SELENOS: variants seen among roughly 807,000 people sequenced by gnomAD.
The protein encoded by SELENOS is VCP interacting membrane selenoprotein.
In SELENOS, 37 loss-of-function variants were observed where a neutral mutation model predicts 30.2. The observed-to-expected ratio is 1.23, with a 90% CI of 0.94 to 1.61. SELENOS has a LOEUF of 1.61. Ranked by LOEUF, SELENOS falls within the 40% of genes most tolerant of loss-of-function variation. The probability of loss-of-function intolerance (pLI) is 0.00; values close to 1 mark genes in which losing one functional copy is unlikely to be tolerated. For missense variants in SELENOS, 289 were observed against 231.8 expected, an observed-to-expected ratio of 1.25 and a Z score of -1.60; for synonymous variants, 119 against 91.6, an observed-to-expected ratio of 1.30 and a Z score of -1.71.
In SELENOS at chr15:101,272,858, T is replaced by G. The variant is rs2039284551; in HGVS notation, c.485-2A>C. ...CTTCACCAGACAACGGGTTATAACCTGGGAGGACAGAAAAGCAGCACAACA... is the reference window on the plus strand; with the variant it reads ...CTTCACCAGACAACGGGTTATAACCGGGGAGGACAGAAAAGCAGCACAACA... On this transcript the variant is annotated splice_acceptor_variant, in intron 5 of 5. Transcript: ENST00000526049. LOFTEE classifies it high-confidence loss of function. 8 of 1,603,592 alleles carry G rather than the reference T, an allele frequency of 5.0e-6. No individual in the cohort carries two copies. In the East Asian group the frequency reaches 1.8e-4, roughly 36 times the overall value.
chr15:101,272,043 C>A (rs2039273394), downstream of SELENOS: 1 of 152,126 alleles, frequency 6.6e-6, no homozygotes, highest in African/African-American at 2.4e-5. Context: ...TTTCTTTATC[C>A]CAGTAATTCG....
intron 3 of SELENOS, chr15:101,274,948 A>T: frequency 1.7e-6 from 1 of 577,148 alleles, no homozygotes; most frequent in Non-Finnish European, 3.0e-6. Context: ...CTGTCAGGAC[A>T]TTTTTGGTAA....
At chr15:101,275,782 G>T (rs2039319269) in intron 2 of SELENOS, among the ~76,000 whole-genome samples, 1 of 152,056 alleles carries the variant, frequency 6.6e-6, no homozygotes. Flanking sequence ...TAGCGCAGAA[G>T]ATTCTTAAGT....
chr15:101,276,367 G>T, intron 2 of SELENOS, 174 bp downstream of exon 2: 2 of 771,920 alleles, frequency 2.6e-6, no homozygotes, highest in Non-Finnish European at 3.7e-6. Context: ...TCCCGCCTCA[G>T]CCTCCTGAGC....
chr15:101,275,616 T>C (rs2039317520), intron 2 of SELENOS, among the ~76,000 whole-genome samples: 1 of 152,124 alleles, frequency 6.6e-6, no homozygotes, highest in Non-Finnish European at 1.5e-5. Context: ...ATTTCTGAGT[T>C]CCCCTGAGCA....
intron 2 of SELENOS, 127 bp downstream of exon 2, chr15:101,276,414 A>G (rs1197923493): frequency 1.2e-6 from 1 of 844,964 alleles, no homozygotes; most frequent in Non-Finnish European, 1.6e-6. Context: ...ACTCCCGGCT[A>G]TTTTTTTTTT....
intron 5 of SELENOS, among the ~76,000 whole-genome samples, chr15:101,273,319 T>C (rs538116118): frequency 3.6e-4 from 55 of 152,290 alleles, no homozygotes; most frequent in African/African-American, 1.3e-3. Context: ...CCCCACTCCC[T>C]CATGAGCTTC....
intron 5 of SELENOS, 36 bp downstream of exon 5, chr15:101,274,384 G>A (rs1194709027): frequency 6.3e-7 from 1 of 1,580,218 alleles, no homozygotes; most frequent in Non-Finnish European, 8.6e-7. Context: ...TGTAAGTGTT[G>A]AAAATCTGTT....
intron 1 of SELENOS, 126 bp from the exon 2 acceptor site, chr15:101,276,801 G>T: frequency 1.7e-6 from 2 of 1,167,026 alleles, no homozygotes; most frequent in Non-Finnish European, 2.4e-6. Context: ...TGAGGAAAAA[G>T]CCTCCTAAGT....
chr15:101,275,934 A>G (rs1444512738), intron 2 of SELENOS, among the ~76,000 whole-genome samples: 5 of 149,650 alleles, frequency 3.3e-5, no homozygotes, highest in Non-Finnish European at 7.4e-5. Context: ...AAAAAAAAAA[A>G]GAAAGAAAAG....
downstream of SELENOS, chr15:101,271,064 CTT>C (rs1199929538): frequency 2.6e-5 from 4 of 152,148 alleles, 1 homozygote; most frequent in South Asian, 6.2e-4. Flanking sequence ...ATAACAAACT[CTT>C]GTGTTGAGGG....
chr15:101,277,243 C>G, intron 1 of SELENOS, 99 bp downstream of exon 1: 2 of 1,518,290 alleles, frequency 1.3e-6, no homozygotes, highest in Non-Finnish European at 1.8e-6. Flanking sequence ...CCCAGGCCTC[C>G]CAGGCTCCGG....
intron 1 of SELENOS, chr15:101,277,132 G>C (rs1405853256): frequency 1.2e-6 from 1 of 856,036 alleles, no homozygotes; most frequent in African/African-American, 1.7e-5. Flanking sequence ...CGCAAACAAG[G>C]GACAGCCGAG....
At chr15:101,277,278 C>T (rs1351433666) in intron 1 of SELENOS, 64 bp downstream of exon 1, 2 of 1,521,670 alleles carry the variant, frequency 1.3e-6, no homozygotes, top group African/African-American at 2.8e-5. Flanking sequence ...GCGGACGACC[C>T]ACCCATCATG....
chr15:101,274,235 A>G (rs2039298461), intron 5 of SELENOS, 185 bp downstream of exon 5: 2 of 678,814 alleles, frequency 2.9e-6, no homozygotes, highest in South Asian at 1.8e-5. Flanking sequence ...TATAAGTACA[A>G]TCCTTCTAAG....
Position 101,277,401 on chromosome 15 carries a change from T to G in SELENOS, c.17A>C (p.Glu6Ala), listed in dbSNP as rs759632130. 3 of 1,491,730 alleles carry G rather than the reference T, an allele frequency of 2.0e-6. No homozygotes were observed. The South Asian group carries it at 3.8e-5, about 19-fold the overall frequency. The allele number at this position is 1,491,730 out of a possible 1,614,324, so 92.4% of individuals were successfully genotyped here. A position where few individuals can be genotyped will look rare whatever the true frequency, so the allele number is the denominator to read the frequency against. ...CAGGGCCGGCCGCGCGGACAGAGACTCCTCTTGGCGTTCCATGACCGCCGC... is the reference window on the plus strand; with the variant it reads ...CAGGGCCGGCCGCGCGGACAGAGACGCCTCTTGGCGTTCCATGACCGCCGC... MERQE[E>A]SLSARPALET... Residue 6 changes from glutamate to alanine, a missense_variant, in exon 1 of 6, where the codon GAG (glutamate) becomes GCG (alanine). Transcript: ENST00000526049.
chr15:101,273,232 A>T (rs766853890), intron 5 of SELENOS, among the ~76,000 whole-genome samples: 133 of 122,180 alleles, frequency 1.1e-3, no homozygotes, highest in Non-Finnish European at 1.6e-3. Context: ...AAAACAGATT[A>T]AAAAAAATCA....
chr15:101,272,740 G>C lies in SELENOS; in HGVS notation c.*31C>G. 2.5e-6 allele frequency: 4 copies of C among 1,579,376 alleles called. No homozygotes were observed. Among genetic ancestry groups the C allele is most frequent in the Non-Finnish European group, 3.4e-6 (4 of 1,161,158 alleles). Reference sequence around the variant, plus strand: ...GAATCGAGGGTTAAGGGTTCATCTTGCTAATGTCAAAAGTGACACTAACAA... The same window carrying C: ...GAATCGAGGGTTAAGGGTTCATCTTCCTAATGTCAAAAGTGACACTAACAA... On this transcript the variant is annotated 3_prime_UTR_variant, in exon 6 of 6. Transcript: ENST00000526049.
intron 5 of SELENOS, among the ~76,000 whole-genome samples, chr15:101,273,409 CCTTA>C (rs376426690): frequency 3.9e-5 from 6 of 152,284 alleles, no homozygotes; most frequent in African/African-American, 1.4e-4. Context: ...TACTTTTACT[CCTTA>C]CTTATAGTGG....
Sources: gnomAD v4.1 joint callset for allele counts (sites outside exome capture counted in the v4.1 genomes callset) on GRCh38, gnomAD v4.1.1 for gene constraint, MANE v1.5 for transcripts, NCBI Gene and HGNC (gene_info 2026-07-23, HGNC 2026-07-21) for gene names.